CNTN4: variants seen among roughly 807,000 people sequenced by gnomAD.
The protein encoded by CNTN4 is contactin-4.
A neutral mutation model predicts 122.5 loss-of-function variants in CNTN4; 77 were observed. That is an observed-to-expected ratio of 0.63 (90% CI 0.52 to 0.76). The LOEUF (loss-of-function observed/expected upper bound fraction) is 0.76, where lower values mean the gene tolerates loss of function less well. CNTN4 is among the 30% of genes least tolerant of loss of function. The pLI, the probability that CNTN4 is intolerant of heterozygous loss-of-function variation, is 0.00. For missense variants in CNTN4, 1,256 were observed against 1,259.1 expected (o/e 1.00, Z 0.04); for synonymous variants, 512 against 447.0 (o/e 1.15, Z -1.83).
At chr3:2,780,309 T>C (rs758484742) in intron 6 of CNTN4, among the ~76,000 whole-genome samples, 2 of 152,202 alleles carry the variant, frequency 1.3e-5, no homozygotes, top group Non-Finnish European at 2.9e-5. Flanking sequence ...CTTTACAGTA[T>C]AGGAGATCAT....
chr3:2,411,092 A>G (rs2047210472), intron 3 of CNTN4, among the ~76,000 whole-genome samples: 1 of 152,216 alleles, frequency 6.6e-6, no homozygotes, highest in Non-Finnish European at 1.5e-5. Context: ...TTACAAACTG[A>G]CATGCATTTT....
intron 13 of CNTN4, among the ~76,000 whole-genome samples, chr3:2,936,153 C>T (rs12493308): frequency 0.092 from 13,955 of 152,218 alleles, 737 homozygotes; most frequent in Middle Eastern, 0.12. Context: ...TGTCCTCCAT[C>T]GGTTGAGTTC....
At chr3:2,325,072 A>C (rs2043405803) in intron 2 of CNTN4, among the ~76,000 whole-genome samples, 1 of 152,210 alleles carries the variant, frequency 6.6e-6, no homozygotes. Flanking sequence ...TGGATGTCAG[A>C]TCAAAGCTAT....
chr3:2,261,077 A>G (rs1392989474), intron 2 of CNTN4, among the ~76,000 whole-genome samples: 1 of 152,168 alleles, frequency 6.6e-6, no homozygotes, highest in Admixed American at 6.6e-5. Flanking sequence ...ATTCACTACC[A>G]TATGATGAAT....
chr3:2,523,764 C>G (rs911168294), intron 3 of CNTN4, among the ~76,000 whole-genome samples: 1 of 151,996 alleles, frequency 6.6e-6, no homozygotes, highest in Admixed American at 6.6e-5. Flanking sequence ...TACCCAGAAT[C>G]CTCACGTAAG....
intron 4 of CNTN4, chr3:2,735,757 AT>A (rs1258882227): frequency 5.9e-6 from 2 of 340,550 alleles, no homozygotes; most frequent in Non-Finnish European, 1.1e-5. Flanking sequence ...GCTGTTACTC[AT>A]TATTGACTTA....
chr3:2,618,449 A>T lies in CNTN4; in HGVS notation c.55+46891A>T, dbSNP rs556768569. Among the ~76,000 whole-genome samples the T allele has an allele frequency of 1.9e-4, 29 of 152,340 alleles. 1 individual carries two copies. In the South Asian group the frequency reaches 6.0e-3, roughly 32 times the overall value. On this transcript the variant is annotated intron_variant, in intron 4 of 24. Coordinates refer to ENST00000418658, the MANE Select transcript of CNTN4 (RefSeq NM_175607.3). ...AAGCTATATGTGGGATATCCAATAT[A>T]AATATCTATTCTATAAGATTGTTGT... is the stretch of plus-strand genomic sequence containing the variant.
chr3:2,296,090 A>G (rs566623276), intron 2 of CNTN4, among the ~76,000 whole-genome samples: 138 of 152,238 alleles, frequency 9.1e-4, no homozygotes, highest in African/African-American at 3.2e-3. Context: ...GCCTTGTAGT[A>G]TAGTTTGAAG....
At chr3:2,125,383 C>G (rs1227873652) in intron 2 of CNTN4, among the ~76,000 whole-genome samples, 2 of 130,860 alleles carry the variant, frequency 1.5e-5, no homozygotes, top group Non-Finnish European at 3.4e-5. Context: ...GCCACGTTTT[C>G]TTTATTCATT....
At chr3:2,779,493 G>C (rs781345902) in intron 6 of CNTN4, among the ~76,000 whole-genome samples, 1 of 152,060 alleles carries the variant, frequency 6.6e-6, no homozygotes, top group Non-Finnish European at 1.5e-5. Context: ...GCCACAGTTG[G>C]TTATTACTTA....
chr3:2,508,869 C>G (rs1356152638), intron 3 of CNTN4, among the ~76,000 whole-genome samples: 2 of 152,058 alleles, frequency 1.3e-5, no homozygotes, highest in Non-Finnish European at 2.9e-5. Flanking sequence ...AAAAATCAGG[C>G]ATTTCCCAGA....
chr3:2,134,671 C>T (rs956818270), intron 2 of CNTN4, among the ~76,000 whole-genome samples: 4 of 152,106 alleles, frequency 2.6e-5, no homozygotes, highest in African/African-American at 4.8e-5. Flanking sequence ...AAGGGGATGC[C>T]GCTGGCATCT....
chr3:2,604,152 C>T (rs1022506064), intron 4 of CNTN4, among the ~76,000 whole-genome samples: 1 of 152,112 alleles, frequency 6.6e-6, no homozygotes, highest in Non-Finnish European at 1.5e-5. Context: ...AGGATTCTAC[C>T]ATATATCCAG....
At chr3:2,494,695 T>C (rs931392462) in intron 3 of CNTN4, among the ~76,000 whole-genome samples, 4 of 152,208 alleles carry the variant, frequency 2.6e-5, no homozygotes, top group Non-Finnish European at 5.9e-5. Context: ...TTTCAAAATA[T>C]GTCAAAGAAA....
At chr3:2,939,457 C>G (rs984272360) in intron 13 of CNTN4, among the ~76,000 whole-genome samples, 1 of 152,078 alleles carries the variant, frequency 6.6e-6, no homozygotes, top group Non-Finnish European at 1.5e-5. Flanking sequence ...TGTAATTCAG[C>G]TGTCCTTCCC....
intron 2 of CNTN4, among the ~76,000 whole-genome samples, chr3:2,197,026 C>G (rs1370535837): frequency 8.2e-6 from 1 of 121,884 alleles, no homozygotes; most frequent in Non-Finnish European, 1.6e-5. Context: ...GCTTGGGCAA[C>G]AAGAGCGAAA....
At chr3:2,227,694 C>G (rs1025341028) in intron 2 of CNTN4, among the ~76,000 whole-genome samples, 11 of 152,066 alleles carry the variant, frequency 7.2e-5, no homozygotes, top group East Asian at 1.9e-4. Flanking sequence ...TAGTGTAATT[C>G]CATTATAATT....
At chr3:2,618,340 G>A (rs904670058) in intron 4 of CNTN4, among the ~76,000 whole-genome samples, 10 of 152,122 alleles carry the variant, frequency 6.6e-5, no homozygotes, top group Middle Eastern at 3.4e-3. Context: ...AAATATGTGT[G>A]TATGTACATA....
intron 3 of CNTN4, among the ~76,000 whole-genome samples, chr3:2,414,166 G>A (rs2047328532): frequency 6.6e-6 from 1 of 152,130 alleles, no homozygotes; most frequent in Non-Finnish European, 1.5e-5. Context: ...AATGTAGGAT[G>A]GTGGGTAGAT....
Sources: gnomAD v4.1 joint callset for allele counts (sites outside exome capture counted in the v4.1 genomes callset) on GRCh38, gnomAD v4.1.1 for gene constraint, MANE v1.5 for transcripts, NCBI Gene and HGNC (gene_info 2026-07-23, HGNC 2026-07-21) for gene names.